DISC1: variants seen among roughly 807,000 people sequenced by gnomAD.
The protein encoded by DISC1 is DISC1 scaffold protein, also known as disrupted in schizophrenia 1 protein.
In DISC1, 57 loss-of-function variants were observed where a neutral mutation model predicts 84.5. The observed-to-expected ratio is 0.67, with a 90% CI of 0.55 to 0.84. The LOEUF (loss-of-function observed/expected upper bound fraction) is 0.84. DISC1 is among the 40% of genes least tolerant of loss of function. DISC1 has a pLI of 0.00. For missense variants in DISC1, 1,000 were observed against 1,057.8 expected (o/e 0.95, Z 0.76); for synonymous variants, 411 against 415.2 (o/e 0.99, Z 0.12).
chr1:231,822,301 G>T (rs184574170), intron 9 of DISC1, among the ~76,000 whole-genome samples: 5 of 152,166 alleles, frequency 3.3e-5, no homozygotes, highest in African/African-American at 1.2e-4. Flanking sequence ...CCCTGGCCCA[G>T]TGAGCTGTCA....
chr1:231,680,265 A>G (rs903958723), intron 1 of DISC1, among the ~76,000 whole-genome samples: 2 of 152,208 alleles, frequency 1.3e-5, no homozygotes, highest in Non-Finnish European at 2.9e-5. Flanking sequence ...CTTGGAAAGT[A>G]TATATAGTGT....
chr1:231,731,215 G>C, intron 3 of DISC1, among the ~76,000 whole-genome samples: 1 of 152,246 alleles, frequency 6.6e-6, no homozygotes, highest in East Asian at 1.9e-4. Context: ...GCCCAGGAGG[G>C]TTCTTGGCTT....
intron 10 of DISC1, among the ~76,000 whole-genome samples, chr1:231,985,329 C>T (rs930517608): frequency 9.3e-5 from 12 of 128,988 alleles, no homozygotes; most frequent in Admixed American, 5.1e-4. Flanking sequence ...TCCATCCCCC[C>T]ACCCACCAAA....
At chr1:231,961,887 T>C (rs568180668) in intron 10 of DISC1, among the ~76,000 whole-genome samples, 1 of 152,336 alleles carries the variant, frequency 6.6e-6, no homozygotes, top group East Asian at 1.9e-4. Flanking sequence ...CTCTTTTGGA[T>C]ATATACCCAG....
At chr1:231,671,353 C>A (rs1446637361) in intron 1 of DISC1, among the ~76,000 whole-genome samples, 1 of 151,798 alleles carries the variant, frequency 6.6e-6, no homozygotes, top group Non-Finnish European at 1.5e-5. Context: ...ATATTCCATA[C>A]CATTGACTCT....
At chr1:232,020,590 T>G (rs1428052853) in intron 11 of DISC1, among the ~76,000 whole-genome samples, 1 of 152,154 alleles carries the variant, frequency 6.6e-6, no homozygotes, top group Non-Finnish European at 1.5e-5. Flanking sequence ...GAAGCTCCAT[T>G]TCTCTTGCAG....
chr1:231,820,135 C>G (rs971000050), intron 9 of DISC1, among the ~76,000 whole-genome samples: 3 of 152,086 alleles, frequency 2.0e-5, no homozygotes, highest in Non-Finnish European at 2.9e-5. Context: ...GATCAGCCAC[C>G]CTTTCCCTAT....
intron 10 of DISC1, among the ~76,000 whole-genome samples, chr1:231,963,816 C>T (rs1287464987): frequency 1.3e-5 from 2 of 152,236 alleles, no homozygotes; most frequent in East Asian, 3.9e-4. Context: ...TTTAAGGGCT[C>T]ACAACTTTAA....
At chr1:231,732,826 T>C (rs1038922455) in intron 3 of DISC1, among the ~76,000 whole-genome samples, 2 of 152,204 alleles carry the variant, frequency 1.3e-5, no homozygotes, top group African/African-American at 4.8e-5. Flanking sequence ...GTGATAGTGG[T>C]TGGAGTGCTA....
chr1:231,649,593 T>C (rs903572662), intron 1 of DISC1, among the ~76,000 whole-genome samples: 4 of 152,176 alleles, frequency 2.6e-5, no homozygotes, highest in Admixed American at 2.6e-4. Context: ...CAGAGCTGAG[T>C]TGAAGTCCTG....
chr1:231,849,246 G>A (rs1378909415), intron 9 of DISC1, among the ~76,000 whole-genome samples: 2 of 151,564 alleles, frequency 1.3e-5, no homozygotes, highest in East Asian at 3.9e-4. Flanking sequence ...TTGGACTCCC[G>A]AGTAGCTGGG....
At position 231,832,577 on chromosome 1, in the gene DISC1, T is replaced by C. The variant is rs1204876626; in HGVS notation, c.1981+14060T>C. ...AATGGGGGCTGTCTGTGAAGCCCTG[T>C]GGCAGTACAGCCCAGGTAATTTGCT... On this transcript the variant is annotated intron_variant, in intron 9 of 12. Transcript: ENST00000439617. 5.9e-5 allele frequency among the ~76,000 whole-genome samples: 9 copies of C among 151,566 alleles called. No individual in the cohort carries two copies. The East Asian group carries it at 7.9e-4, about 13-fold the overall frequency.
At chr1:231,691,394 G>T (rs1019026485) in intron 1 of DISC1, among the ~76,000 whole-genome samples, 7 of 151,748 alleles carry the variant, frequency 4.6e-5, no homozygotes, top group African/African-American at 1.5e-4. Context: ...TTGTGCCACT[G>T]CACTCCAGCC....
At chr1:231,839,777 C>T (rs759745428) in intron 9 of DISC1, among the ~76,000 whole-genome samples, 19 of 152,142 alleles carry the variant, frequency 1.2e-4, no homozygotes, top group Non-Finnish European at 2.2e-4. Context: ...AGGAAGCTTA[C>T]AATCATGGTG....
At chr1:231,669,039 T>A (rs2062305070) in intron 1 of DISC1, among the ~76,000 whole-genome samples, 3 of 152,236 alleles carry the variant, frequency 2.0e-5, no homozygotes, top group African/African-American at 7.2e-5. Flanking sequence ...AGTTTTTCTT[T>A]TGAGGAAGCT....
chr1:231,975,426 G>A (rs758009027), intron 10 of DISC1, among the ~76,000 whole-genome samples: 1 of 152,054 alleles, frequency 6.6e-6, no homozygotes, highest in Middle Eastern at 3.2e-3. Context: ...ATTTCTCAAA[G>A]AACTAAAAAT....
chr1:231,780,864 C>T (rs540751407), intron 6 of DISC1, among the ~76,000 whole-genome samples: 1 of 109,362 alleles, frequency 9.1e-6, no homozygotes, highest in Middle Eastern at 4.1e-3. Context: ...TTTGTAGGGA[C>T]ATGGATGAAA....
intron 9 of DISC1, among the ~76,000 whole-genome samples, chr1:231,831,925 A>T (rs1386845427): frequency 1.3e-5 from 2 of 151,828 alleles, no homozygotes; most frequent in African/African-American, 4.8e-5. Flanking sequence ...TTTGCTGGTG[A>T]GTGGCGATTA....
At chr1:231,825,586 G>A (rs983600980) in intron 9 of DISC1, among the ~76,000 whole-genome samples, 1 of 152,106 alleles carries the variant, frequency 6.6e-6, no homozygotes, top group East Asian at 1.9e-4. Flanking sequence ...TGGGTGAGGG[G>A]ATTATTTTTT....
Sources: gnomAD v4.1 joint callset for allele counts (sites outside exome capture counted in the v4.1 genomes callset) on GRCh38, gnomAD v4.1.1 for gene constraint, MANE v1.5 for transcripts, NCBI Gene and HGNC (gene_info 2026-07-23, HGNC 2026-07-21) for gene names.